PCDH9: variants seen among roughly 807,000 people sequenced by gnomAD.
The protein encoded by PCDH9 is protocadherin-9.
PCDH9 carries 24 observed loss-of-function variants against 70.6 expected under a neutral mutation model. That is an observed-to-expected ratio of 0.34 (90% CI 0.25 to 0.48). The LOEUF (loss-of-function observed/expected upper bound fraction) is 0.48, where lower values mean the gene tolerates loss of function less well. PCDH9 is among the 20% of genes least tolerant of loss of function. The pLI is 0.99. For synonymous variants in PCDH9, 562 were observed against 558.5 expected, an observed-to-expected ratio of 1.01 and a Z score of -0.09; for missense variants, 1,281 against 1,503.6, an observed-to-expected ratio of 0.85 and a Z score of 2.45.
At chr13:67,224,852 T>C (rs992212839) in intron 2 of PCDH9, 1 of 957,172 alleles carries the variant, frequency 1.0e-6, no homozygotes, top group African/African-American at 1.8e-5. Flanking sequence ...ACTTCCTATA[T>C]GGCTTAGTTG....
At chr13:67,212,289 G>A (rs1184961096) in intron 2 of PCDH9, 1 of 151,862 alleles carries the variant, frequency 6.6e-6, no homozygotes, top group Non-Finnish European at 1.5e-5. Flanking sequence ...ATGTGAGAGA[G>A]AGAGACTTTA....
At chr13:66,454,621 C>T in intron 4 of PCDH9, among the ~76,000 whole-genome samples, 1 of 152,116 alleles carries the variant, frequency 6.6e-6, no homozygotes, top group Non-Finnish European at 1.5e-5. Flanking sequence ...GAAGGAGGCT[C>T]AGACTATCCA....
chr13:66,378,373 A>G (rs544929632), intron 4 of PCDH9, among the ~76,000 whole-genome samples: 12 of 152,272 alleles, frequency 7.9e-5, no homozygotes, highest in African/African-American at 2.9e-4. Flanking sequence ...TTTTGTATCC[A>G]AAGATATACT....
chr13:67,207,063 T>C (rs1289546072), intron 2 of PCDH9: 2 of 151,924 alleles, frequency 1.3e-5, no homozygotes, highest in African/African-American at 4.8e-5. Context: ...CATTGTAAAC[T>C]GTAAAGTATC....
At chr13:67,163,532 T>C (rs1432674540) in intron 2 of PCDH9, among the ~76,000 whole-genome samples, 1 of 152,256 alleles carries the variant, frequency 6.6e-6, no homozygotes, top group Admixed American at 6.5e-5. Context: ...CATTAAACTC[T>C]GTAATGTCAA....
At chr13:66,437,264 G>A (rs753469943) in intron 4 of PCDH9, among the ~76,000 whole-genome samples, 217 of 151,488 alleles carry the variant, frequency 1.4e-3, no homozygotes, top group Non-Finnish European at 2.5e-3. Flanking sequence ...AACATTAGCC[G>A]GGCGTGGTGG....
intron 2 of PCDH9, among the ~76,000 whole-genome samples, chr13:66,947,414 T>C (rs993299549): frequency 1.3e-5 from 2 of 152,186 alleles, no homozygotes; most frequent in Non-Finnish European, 2.9e-5. Flanking sequence ...GATAATCATG[T>C]TCTTTTTCCA....
intron 2 of PCDH9, chr13:66,985,425 A>C (rs909108183): frequency 9.9e-5 from 15 of 152,280 alleles, no homozygotes; most frequent in African/African-American, 3.6e-4. Context: ...CCCATGAATA[A>C]GTAACTATTC....
At chr13:67,019,734 G>A (rs1321515230) in intron 2 of PCDH9, among the ~76,000 whole-genome samples, 1 of 152,126 alleles carries the variant, frequency 6.6e-6, no homozygotes, top group Admixed American at 6.6e-5. Flanking sequence ...AAACTTCAGA[G>A]CTGACAGGGA....
At chr13:67,003,373 T>C (rs1457192451) in intron 2 of PCDH9, among the ~76,000 whole-genome samples, 2 of 147,366 alleles carry the variant, frequency 1.4e-5, no homozygotes, top group Non-Finnish European at 3.0e-5. Context: ...CTTTAAGTAA[T>C]GGTAAAAAAG....
intron 3 of PCDH9, among the ~76,000 whole-genome samples, chr13:66,708,251 G>A (rs1053137780): frequency 6.6e-5 from 10 of 151,312 alleles, no homozygotes; most frequent in Non-Finnish European, 1.5e-4. Context: ...GGGTTTCACC[G>A]TTTTAGCCGG....
intron 4 of PCDH9, among the ~76,000 whole-genome samples, chr13:66,546,489 A>G (rs1403543661): frequency 6.6e-6 from 1 of 152,200 alleles, no homozygotes; most frequent in Non-Finnish European, 1.5e-5. Context: ...ATATTTTTGT[A>G]CAGCTATAAA....
In PCDH9 at chr13:66,822,133, C is replaced by CGT. The variant is rs1054754017; in HGVS notation, c.3138+81370_3138+81371insAC. On this transcript the variant is annotated intron_variant, in intron 3 of 4. Coordinates refer to ENST00000377865, the MANE Select transcript of PCDH9 (RefSeq NM_203487.3). Reference sequence around the variant, plus strand: ...TATAATAAGGTTGACCCATCACACACGCGCACACACACACACACACACACA... The same window carrying CGT: ...TATAATAAGGTTGACCCATCACACACGTGCGCACACACACACACACACACACA... Among the ~76,000 whole-genome samples the CGT allele has an allele frequency of 5.5e-4, 27 of 49,448 alleles. No individual in the cohort carries two copies. In the South Asian group the frequency reaches 0.029, roughly 52 times the overall value. 32.4% of individuals were successfully genotyped at this position (49,448 alleles called of 152,430 possible).
intron 2 of PCDH9, among the ~76,000 whole-genome samples, chr13:67,148,225 A>C (rs928463976): frequency 1.5e-4 from 22 of 151,500 alleles, no homozygotes; most frequent in Non-Finnish European, 2.7e-4. Flanking sequence ...ATCCTGCAAA[A>C]TTACATTAAT....
intron 4 of PCDH9, among the ~76,000 whole-genome samples, chr13:66,410,614 G>A (rs926209447): frequency 6.6e-6 from 1 of 152,196 alleles, no homozygotes; most frequent in Non-Finnish European, 1.5e-5. Flanking sequence ...ATCTCTTGCT[G>A]AGCAGGTTAG....
intron 4 of PCDH9, among the ~76,000 whole-genome samples, chr13:66,370,773 C>G (rs1593871340): frequency 6.6e-6 from 1 of 152,132 alleles, no homozygotes; most frequent in East Asian, 1.9e-4. Context: ...CTCAGACTCC[C>G]AACATGCTGG....
intron 3 of PCDH9, among the ~76,000 whole-genome samples, chr13:66,636,195 T>C (rs1226521509): frequency 6.6e-6 from 1 of 152,178 alleles, no homozygotes; most frequent in African/African-American, 2.4e-5. Context: ...TTGACCACAC[T>C]AAAATTTCAA....
intron 3 of PCDH9, among the ~76,000 whole-genome samples, chr13:66,692,519 A>G (rs1490034216): frequency 2.0e-5 from 3 of 152,160 alleles, no homozygotes; most frequent in Admixed American, 2.0e-4. Context: ...TTTTGTTCTT[A>G]AGATATTTAA....
intron 2 of PCDH9, among the ~76,000 whole-genome samples, chr13:67,047,399 G>A (rs540208747): frequency 6.6e-6 from 1 of 152,104 alleles, no homozygotes; most frequent in South Asian, 2.1e-4. Flanking sequence ...GACAACAGTG[G>A]CATTTATATT....
Sources: gnomAD v4.1 joint callset for allele counts (sites outside exome capture counted in the v4.1 genomes callset) on GRCh38, gnomAD v4.1.1 for gene constraint, MANE v1.5 for transcripts, NCBI Gene and HGNC (gene_info 2026-07-23, HGNC 2026-07-21) for gene names.